The following NTN4 variants were observed in gnomAD, a reference collection of about 807,000 sequenced individuals.
NTN4 encodes the protein netrin 4, also known as netrin-4.
A neutral mutation model predicts 73.6 loss-of-function variants in NTN4; 32 were observed. The observed-to-expected ratio is 0.44, with a 90% confidence interval of 0.33 to 0.58. The LOEUF is 0.58. Ranked by LOEUF, NTN4 falls within the 20% of genes least tolerant of loss-of-function variation. The probability of loss-of-function intolerance (pLI) is 0.04; values close to 1 mark genes in which losing one functional copy is unlikely to be tolerated. For synonymous variants in NTN4, 258 were observed against 287.5 expected (o/e 0.90, Z 1.04); for missense variants, 654 against 798.3 (o/e 0.82, Z 2.18).
At chr12:95,779,766 A>G (rs2079119390) in intron 2 of NTN4, among the ~76,000 whole-genome samples, 1 of 152,198 alleles carries the variant, frequency 6.6e-6, no homozygotes, top group Non-Finnish European at 1.5e-5. Context: ...CATCCCCATC[A>G]AGCTACCAAT....
intron 5 of NTN4, among the ~76,000 whole-genome samples, chr12:95,686,191 G>C (rs1218655634): frequency 2.0e-5 from 3 of 152,146 alleles, no homozygotes; most frequent in Admixed American, 6.6e-5. Flanking sequence ...GTGCCCATCA[G>C]ATAATTCTTA....
intron 2 of NTN4, among the ~76,000 whole-genome samples, chr12:95,747,560 T>C (rs1270081629): frequency 6.6e-6 from 1 of 152,224 alleles, no homozygotes; most frequent in Non-Finnish European, 1.5e-5. Flanking sequence ...TGCCTTGGTC[T>C]CTCAAAGTTT....
intron 2 of NTN4, among the ~76,000 whole-genome samples, chr12:95,777,880 A>G (rs2079105420): frequency 6.6e-6 from 1 of 150,596 alleles, no homozygotes; most frequent in Non-Finnish European, 1.5e-5. Context: ...TCAGCACCAC[A>G]TCGCACTTAT....
At chr12:95,683,219 C>A (rs759906292) in intron 6 of NTN4, among the ~76,000 whole-genome samples, 11 of 152,082 alleles carry the variant, frequency 7.2e-5, no homozygotes, top group Non-Finnish European at 1.6e-4. Flanking sequence ...ACCACTATGC[C>A]CAGCTAATTT....
chr12:95,674,937 T>C (rs2078261616), intron 7 of NTN4, among the ~76,000 whole-genome samples: 1 of 152,244 alleles, frequency 6.6e-6, no homozygotes, highest in South Asian at 2.1e-4. Flanking sequence ...TCTAATAACA[T>C]GCATGATGGG....
rs144513568 is a variant in NTN4 at position 95,677,401 on chromosome 12, G to A, written c.1510+5306C>T. Among the ~76,000 whole-genome samples, 682 of 152,074 alleles carry A rather than the reference G, an allele frequency of 4.5e-3. 5 individuals carry two copies. Among genetic ancestry groups the A allele is most frequent in the African/African-American group, 0.016 (654 of 41,488 alleles). On this transcript the variant is annotated intron_variant, in intron 7 of 9. Transcript: ENST00000343702. ...AATTCTAACAAAAATTCAAGTAACA[G>A]ATGATTCTATTTTTATATAAATAAT...
At chr12:95,769,751 C>CT (rs34093723) in intron 2 of NTN4, among the ~76,000 whole-genome samples, 22,243 of 116,456 alleles carry the variant, frequency 0.19, 2,554 homozygotes, top group Non-Finnish European at 0.25. Flanking sequence ...AGGTTTCAAT[C>CT]TTTTTTTTTT....
At chr12:95,762,595 A>T (rs1233378827) in intron 2 of NTN4, among the ~76,000 whole-genome samples, 2 of 152,374 alleles carry the variant, frequency 1.3e-5, no homozygotes, top group East Asian at 3.9e-4. Context: ...TAAAAAGCAG[A>T]TATTTTTCTC....
chr12:95,749,253 T>C (rs2078885711), intron 2 of NTN4, among the ~76,000 whole-genome samples: 1 of 152,214 alleles, frequency 6.6e-6, no homozygotes, highest in South Asian at 2.1e-4. Flanking sequence ...CAAAGCCTGT[T>C]TGGTGGTCTC....
At chr12:95,691,856 A>T (rs116420257) in intron 5 of NTN4, among the ~76,000 whole-genome samples, 3,004 of 152,254 alleles carry the variant, frequency 0.02, 97 homozygotes, top group African/African-American at 0.068. Flanking sequence ...TAGAAGCTGT[A>T]TGGCCTGTCT....
intron 2 of NTN4, among the ~76,000 whole-genome samples, chr12:95,786,242 T>C (rs1049474519): frequency 6.6e-6 from 1 of 152,138 alleles, no homozygotes; most frequent in Admixed American, 6.6e-5. Flanking sequence ...ACCTGAGGGT[T>C]GGGGGGAGCC....
At chr12:95,763,835 A>C (rs2079004137) in intron 2 of NTN4, among the ~76,000 whole-genome samples, 1 of 152,224 alleles carries the variant, frequency 6.6e-6, no homozygotes, top group Non-Finnish European at 1.5e-5. Context: ...AATGAAGCTG[A>C]CTGAGTGGAG....
At chr12:95,675,894 C>T (rs980811474) in intron 7 of NTN4, among the ~76,000 whole-genome samples, 1 of 152,064 alleles carries the variant, frequency 6.6e-6, no homozygotes, top group Admixed American at 6.6e-5. Flanking sequence ...AATAAACCAA[C>T]CACGTACACA....
intron 2 of NTN4, among the ~76,000 whole-genome samples, chr12:95,777,974 G>C (rs1311942471): frequency 6.6e-6 from 1 of 152,156 alleles, no homozygotes; most frequent in African/African-American, 2.4e-5. Context: ...TCAGACCACA[G>C]TGCAATCAAA....
At chr12:95,696,587 TTAA>T (rs768973125) in intron 5 of NTN4, among the ~76,000 whole-genome samples, 6 of 152,168 alleles carry the variant, frequency 3.9e-5, no homozygotes, top group Non-Finnish European at 8.8e-5. Context: ...CTTTGTTACA[TTAA>T]TAAATGAACG....
chr12:95,670,092 A>G lies in NTN4; in HGVS notation c.1565T>C (p.Met522Thr). The G allele has an allele frequency of 6.3e-7, 1 of 1,591,044 alleles. No homozygotes were observed. The highest frequency in any genetic ancestry group is 1.2e-5 in the South Asian group (1 of 86,260). The change falls in exon 8 of 10, where the codon ATG becomes ACG. Residue 522 changes from methionine (M) to threonine (T), a missense_variant. Coordinates refer to ENST00000343702, the MANE Select transcript of NTN4 (RefSeq NM_021229.4). Reference sequence around the variant, plus strand: ...TTCAGACTCACCATATGAATATTTCATTCCACAGAATGCCTTGGCATTTCC... The same window carrying G: ...TTCAGACTCACCATATGAATATTTCGTTCCACAGAATGCCTTGGCATTTCC... ...TLGNAKAFCG[M>T]KYSYVLKIKI...
intron 3 of NTN4, among the ~76,000 whole-genome samples, chr12:95,736,112 T>C (rs1389640304): frequency 2.0e-5 from 3 of 151,958 alleles, no homozygotes; most frequent in Non-Finnish European, 4.4e-5. Flanking sequence ...CTAATTTTTG[T>C]ATTTTTAGTA....
intron 7 of NTN4, among the ~76,000 whole-genome samples, chr12:95,682,423 CTTTT>C (rs11433684): frequency 7.3e-6 from 1 of 136,486 alleles, no homozygotes; most frequent in Admixed American, 7.3e-5. Context: ...TGGGTGACCT[CTTTT>C]TTTTTTTTTT....
intron 3 of NTN4, among the ~76,000 whole-genome samples, chr12:95,731,605 T>A (rs984454794): frequency 6.6e-6 from 1 of 152,126 alleles, no homozygotes; most frequent in African/African-American, 2.4e-5. Flanking sequence ...GTGAGAATTG[T>A]CTTTACTCTC....
Sources: allele counts gnomAD v4.1 joint callset (sites outside exome capture counted in the v4.1 genomes callset), GRCh38; gene constraint gnomAD v4.1.1; transcripts MANE v1.5; gene names NCBI Gene and HGNC (gene_info 2026-07-23, HGNC 2026-07-21).